The following SLC25A21 variants were observed in gnomAD, a reference collection of about 807,000 sequenced individuals.
SLC25A21 encodes the protein solute carrier family 25 member 21.
A neutral mutation model predicts 43.8 loss-of-function variants in SLC25A21; 47 were observed. The ratio of observed to expected loss-of-function variants is 1.07; its 90% CI spans 0.85 to 1.37. The LOEUF is 1.37. Ranked by LOEUF, SLC25A21 falls within the 40% of genes most tolerant of loss-of-function variation. SLC25A21 has a pLI of 0.00. For missense variants in SLC25A21, 352 were observed against 350.2 expected, an observed-to-expected ratio of 1.00 and a Z score of -0.04; for synonymous variants, 131 against 121.3, an observed-to-expected ratio of 1.08 and a Z score of -0.52.
At chr14:37,021,515 T>G (rs889508837) in intron 1 of SLC25A21, among the ~76,000 whole-genome samples, 5 of 151,996 alleles carry the variant, frequency 3.3e-5, no homozygotes, top group African/African-American at 7.2e-5. Context: ...CCTCTATTTC[T>G]TCAGTAATTT....
intron 1 of SLC25A21, among the ~76,000 whole-genome samples, chr14:37,015,277 T>C (rs1196804711): frequency 2.1e-5 from 3 of 144,128 alleles, no homozygotes; most frequent in Non-Finnish European, 4.5e-5. Context: ...CACCTATGAG[T>C]GAGAACATGC....
At chr14:36,933,829 A>G (rs183524255) in intron 1 of SLC25A21, among the ~76,000 whole-genome samples, 84 of 152,274 alleles carry the variant, frequency 5.5e-4, no homozygotes, top group African/African-American at 1.9e-3. Context: ...TATACAAGAG[A>G]GCAGAGTAGA....
At chr14:36,789,913 T>C (rs1407143866) in intron 3 of SLC25A21, among the ~76,000 whole-genome samples, 4 of 123,778 alleles carry the variant, frequency 3.2e-5, no homozygotes, top group Non-Finnish European at 6.5e-5. Flanking sequence ...TATTTATATA[T>C]ATTATATATT....
At chr14:36,935,213 T>C (rs1196694175) in intron 1 of SLC25A21, among the ~76,000 whole-genome samples, 2 of 152,178 alleles carry the variant, frequency 1.3e-5, no homozygotes, top group African/African-American at 4.8e-5. Flanking sequence ...TCTAAACTCC[T>C]TAATGTTCCC....
At chr14:36,838,708 C>T (rs1889289943) in intron 2 of SLC25A21, among the ~76,000 whole-genome samples, 1 of 152,204 alleles carries the variant, frequency 6.6e-6, no homozygotes, top group South Asian at 2.1e-4. Context: ...TACAGTATCA[C>T]AGAGCTACTA....
At chr14:37,064,006 T>A (rs1365861510) in intron 1 of SLC25A21, among the ~76,000 whole-genome samples, 1 of 152,200 alleles carries the variant, frequency 6.6e-6, no homozygotes. Context: ...AGCATTACTT[T>A]CAGGTGTGTC....
intron 3 of SLC25A21, among the ~76,000 whole-genome samples, chr14:36,787,532 T>C (rs565561066): frequency 3.3e-5 from 5 of 152,330 alleles, no homozygotes; most frequent in Admixed American, 6.5e-5. Context: ...AAATTAATGT[T>C]GAAATTAACA....
intron 1 of SLC25A21, among the ~76,000 whole-genome samples, chr14:36,941,929 T>C (rs1892569261): frequency 6.6e-6 from 1 of 152,036 alleles, no homozygotes; most frequent in African/African-American, 2.4e-5. Flanking sequence ...TGAAGCAAAA[T>C]CAATGATACA....
At chr14:37,049,722 AAAAG>A (rs1441172157) in intron 1 of SLC25A21, among the ~76,000 whole-genome samples, 3 of 152,360 alleles carry the variant, frequency 2.0e-5, no homozygotes, top group East Asian at 1.9e-4. Flanking sequence ...CCACACTAAA[AAAAG>A]AAATAGGTGA....
intron 2 of SLC25A21, among the ~76,000 whole-genome samples, chr14:36,840,848 C>T (rs958092348): frequency 1.6e-4 from 25 of 152,132 alleles, no homozygotes; most frequent in Non-Finnish European, 3.1e-4. Flanking sequence ...TGGGACATCA[C>T]GGAAAAGAGC....
intron 1 of SLC25A21, among the ~76,000 whole-genome samples, chr14:37,010,468 C>T (rs764716728): frequency 2.0e-5 from 3 of 152,184 alleles, no homozygotes; most frequent in Non-Finnish European, 4.4e-5. Flanking sequence ...CAAACAATTA[C>T]ACTCCTGGGT....
intron 3 of SLC25A21, among the ~76,000 whole-genome samples, chr14:36,804,431 C>A (rs929932915): frequency 7.2e-5 from 11 of 152,154 alleles, no homozygotes; most frequent in Admixed American, 3.9e-4. Context: ...GAATGTTGGG[C>A]AAGTCCCTTA....
chr14:37,017,025 T>C (rs1334398355), intron 1 of SLC25A21, among the ~76,000 whole-genome samples: 1 of 152,084 alleles, frequency 6.6e-6, no homozygotes, highest in Non-Finnish European at 1.5e-5. Context: ...TTTCTCTGTA[T>C]CATCAATAAA....
At chr14:37,036,091 A>G (rs1442309756) in intron 1 of SLC25A21, among the ~76,000 whole-genome samples, 1 of 152,186 alleles carries the variant, frequency 6.6e-6, no homozygotes, top group African/African-American at 2.4e-5. Context: ...TGCCAGTAAA[A>G]TTTGCACCAG....
At chr14:36,796,598 G>A (rs1244535057) in intron 3 of SLC25A21, among the ~76,000 whole-genome samples, 3 of 151,914 alleles carry the variant, frequency 2.0e-5, no homozygotes, top group Non-Finnish European at 4.4e-5. Context: ...TGCCTTCCAG[G>A]AAAGTGTGAA....
intron 3 of SLC25A21, among the ~76,000 whole-genome samples, chr14:36,753,919 C>CAGAGAGAGAGAGAGAGAG (rs56871881): frequency 1.5e-3 from 198 of 130,016 alleles, no homozygotes; most frequent in East Asian, 4.2e-3. Flanking sequence ...TCACTGGGGA[C>CAGAGAGAGAGAGAGAGAG]AGAGAGAGAG....
At chr14:36,872,934 T>C (rs1023633064) in intron 2 of SLC25A21, among the ~76,000 whole-genome samples, 3 of 152,196 alleles carry the variant, frequency 2.0e-5, no homozygotes, top group African/African-American at 7.2e-5. Context: ...AGAGCTATCC[T>C]GAAACCCACA....
chr14:37,148,953 C>A (rs572455526), intron 1 of SLC25A21, among the ~76,000 whole-genome samples: 1 of 152,100 alleles, frequency 6.6e-6, no homozygotes, highest in African/African-American at 2.4e-5. Context: ...TTTAAATATC[C>A]AAATTGAATG....
In SLC25A21 at chr14:36,681,112, T is replaced by C. The variant is rs17104995; in HGVS notation, c.839-393A>G. Among the ~76,000 whole-genome samples the C allele has an allele frequency of 5.2e-4, 79 of 152,342 alleles. No homozygotes were observed. The East Asian group carries it at 0.012, about 24-fold the overall frequency. On this transcript the variant is annotated intron_variant, in intron 9 of 9. Transcript: ENST00000331299. ...AGGATTTATCTTTTTCAGTCCGTAA[T>C]TAGCAGTCTTAATTGCATTCAAGAA...
Sources: gnomAD v4.1 joint callset for allele counts (sites outside exome capture counted in the v4.1 genomes callset) on GRCh38, gnomAD v4.1.1 for gene constraint, MANE v1.5 for transcripts, NCBI Gene and HGNC (gene_info 2026-07-23, HGNC 2026-07-21) for gene names.